Variants in ZNF714 observed in about 807,000 individuals in gnomAD.
ZNF714 encodes zinc finger protein 714.
A neutral mutation model predicts 46.2 loss-of-function variants in ZNF714; 32 were observed. That is an observed-to-expected ratio of 0.69 (90% CI 0.52 to 0.93). The LOEUF is 0.93. ZNF714 is among the 40% of genes least tolerant of loss of function. The pLI, the probability that ZNF714 is intolerant of heterozygous loss-of-function variation, is 0.00. For missense variants in ZNF714, 635 were observed against 646.3 expected (o/e 0.98, Z 0.19); for synonymous variants, 199 against 213.1 (o/e 0.93, Z 0.58).
Position 21,118,250 on chromosome 19 carries a change from A to C in ZNF714, c.1586A>C (p.Gln529Pro), listed in dbSNP as rs534328825. The C allele has an allele frequency of 4.3e-5, 64 of 1,504,604 alleles. 1 individual carries two copies. In the African/African-American group the frequency reaches 7.3e-4, roughly 17 times the overall value. 93.2% of individuals were successfully genotyped at this position (1,504,604 alleles called of 1,614,324 possible). ...LGEQIARSGV[Q>P]DQPGQHGKTP... is the part of the protein sequence containing the mutation. ...GAGCAGATCGCGAGGTCAGGAGTTC[A>C]AGACCAGCCTGGCCAACATGGTAAA... The change falls in exon 5 of 5, where the codon CAA (glutamine) becomes CCA (proline). Residue 529 changes from glutamine (Q) to proline (P), a missense_variant. Physicochemically the swap from Gln to Pro is moderately conservative, Grantham distance 76. Coordinates refer to ENST00000456283, the MANE Select transcript of ZNF714 (RefSeq NM_182515.4).
chr19:21,110,294 G>C (rs1969421818), intron 4 of ZNF714, among the ~76,000 whole-genome samples: 1 of 152,092 alleles, frequency 6.6e-6, no homozygotes, highest in African/African-American at 2.4e-5. Context: ...CCATTTTGAT[G>C]GCATGAAATG....
At chr19:21,113,865 T>C (rs1349342764) in intron 4 of ZNF714, among the ~76,000 whole-genome samples, 1 of 152,068 alleles carries the variant, frequency 6.6e-6, no homozygotes, top group Non-Finnish European at 1.5e-5. Context: ...GTGTATTGTG[T>C]TGTTTGTGGC....
chr19:21,116,641 G>T (rs1223078668), intron 4 of ZNF714, among the ~76,000 whole-genome samples, 166 bp from the exon 5 acceptor site: 1 of 151,986 alleles, frequency 6.6e-6, no homozygotes, highest in Non-Finnish European at 1.5e-5. Context: ...TATGTATTTT[G>T]GTCAGTATGC....
intron 2 of ZNF714, among the ~76,000 whole-genome samples, chr19:21,095,359 G>A (rs533185578): frequency 3.3e-5 from 5 of 152,184 alleles, no homozygotes; most frequent in African/African-American, 9.6e-5. Flanking sequence ...TGACCTCCAC[G>A]TTCTCACCAC....
chr19:21,114,293 A>G (rs1020138630), intron 4 of ZNF714, among the ~76,000 whole-genome samples: 2 of 151,972 alleles, frequency 1.3e-5, no homozygotes, highest in Non-Finnish European at 2.9e-5. Flanking sequence ...AAAATTAGCC[A>G]GGTGTGGTGG....
intron 4 of ZNF714, among the ~76,000 whole-genome samples, chr19:21,104,541 A>C (rs1479324617): frequency 1.6e-5 from 1 of 63,874 alleles, no homozygotes; most frequent in Non-Finnish European, 5.0e-5. Flanking sequence ...TTGGTGTTTT[A>C]AAAAAAGGTA....
rs1391738782 is a variant in ZNF714, at chr19:21,118,453, A to C, written c.*121A>C. The C allele has an allele frequency of 2.3e-5, 1 of 44,208 alleles. No individual in the cohort carries two copies. The highest frequency in any genetic ancestry group is 6.6e-5 in the Non-Finnish European group (1 of 15,226). The allele number at this position is 44,208 out of a possible 1,614,324, so 2.7% of individuals were successfully genotyped here. A position where few individuals can be genotyped will look rare whatever the true frequency, so the allele number is the denominator to read the frequency against. ...GGCCACAAGGCAAGACTCTGTCTCA[A>C]AAAAAAAAAAAAAAAGAAAAGAAAA... is the stretch of plus-strand genomic sequence containing the variant. On this transcript the variant is annotated 3_prime_UTR_variant, in exon 5 of 5. Transcript: ENST00000456283.
At chr19:21,084,702 A>AT (rs36069214) in intron 2 of ZNF714, among the ~76,000 whole-genome samples, 13,735 of 135,226 alleles carry the variant, frequency 0.1, 2,256 homozygotes, top group African/African-American at 0.35. Context: ...AAGGTAGGAA[A>AT]TTTTTTTTTT....
At chr19:21,098,680 G>A (rs989768701) in intron 3 of ZNF714, 132 bp from the exon 4 acceptor site, 22 of 566,356 alleles carry the variant, frequency 3.9e-5, no homozygotes, top group Middle Eastern at 4.8e-4. Context: ...AATAGTTAGA[G>A]ATGTGTCTCA....
chr19:21,104,484 C>G (rs1969266245), intron 4 of ZNF714, among the ~76,000 whole-genome samples: 1 of 152,104 alleles, frequency 6.6e-6, no homozygotes, highest in African/African-American at 2.4e-5. Context: ...ATCTTGTTTT[C>G]TACCAACAGT....
intron 2 of ZNF714, among the ~76,000 whole-genome samples, chr19:21,093,572 C>G (rs1024334391): frequency 1.3e-5 from 2 of 151,964 alleles, no homozygotes; most frequent in African/African-American, 4.8e-5. Flanking sequence ...TTATTGGCCA[C>G]ATAATCTTCC....
intron 4 of ZNF714, among the ~76,000 whole-genome samples, chr19:21,106,165 G>T (rs1372770177): frequency 1.3e-5 from 2 of 152,036 alleles, no homozygotes; most frequent in East Asian, 3.9e-4. Flanking sequence ...TGAGGCAGGA[G>T]AATCACTTGA....
chr19:21,082,300 T>C lies in ZNF714; in HGVS notation c.-225T>C. ...TCTGTGGCCCTGTGACCTGCAGGTA[T>C]TGAGAGATCCACAGCTAAGACGCCA... On this transcript the variant is annotated 5_prime_UTR_variant, in exon 1 of 5. Transcript: ENST00000456283. 2.1e-6 allele frequency: 3 copies of C among 1,445,572 alleles called. No homozygotes were observed. Among genetic ancestry groups the C allele is most frequent in the Non-Finnish European group, 1.9e-6 (2 of 1,070,064 alleles). 89.5% of individuals were successfully genotyped at this position (1,445,572 alleles called of 1,614,324 possible). A position where few individuals can be genotyped will look rare whatever the true frequency, so the allele number is the denominator to read the frequency against.
In ZNF714 at chr19:21,120,779, A is replaced by C. The variant is rs1313101858; in HGVS notation, c.*2447A>C. The stretch of plus-strand genomic sequence containing the variant: ...AACATCTCTAGTAATTTTTTTTGCC[A>C]GTGGCTTTAAACCGCAAATAAGTTA... On this transcript the variant is annotated 3_prime_UTR_variant, in exon 5 of 5. Coordinates refer to ENST00000456283, the MANE Select transcript of ZNF714 (RefSeq NM_182515.4). 6.6e-6 allele frequency: 1 copy of C among 151,662 alleles called. No homozygotes were observed. The highest frequency in any genetic ancestry group is 2.4e-5 in the African/African-American group (1 of 41,342). The allele number at this position is 151,662 out of a possible 1,614,324, so 9.4% of individuals were successfully genotyped here.
intron 4 of ZNF714, 109 bp downstream of exon 4, chr19:21,099,019 G>T: frequency 1.6e-6 from 1 of 606,882 alleles, no homozygotes; most frequent in Non-Finnish European, 2.7e-6. Flanking sequence ...GTTTTGCAAA[G>T]TATATAGTTT....
chr19:21,091,324 A>T (rs1363772068), intron 2 of ZNF714: 1 of 152,196 alleles, frequency 6.6e-6, no homozygotes, highest in Non-Finnish European at 1.5e-5. Context: ...GGTGGGTTTT[A>T]TCCAGCTTCT....
Position 21,117,546 on chromosome 19 carries a change from T to C in ZNF714, c.882T>C (p.Phe294=). 1 of 1,606,102 alleles carries C rather than the reference T, an allele frequency of 6.2e-7. No individual in the cohort carries two copies. Among genetic ancestry groups the C allele is most frequent in the African/African-American group, 1.3e-5 (1 of 74,794 alleles). ...PYKCEECDKA[F]NRFSYLTKHK... The stretch of plus-strand genomic sequence containing the variant: ...AATGTGAAGAATGTGACAAAGCTTT[T>C]AACCGATTCTCATACCTTACTAAAC... The change falls in exon 5 of 5, where the codon TTT becomes TTC. Residue 294 remains phenylalanine (F), a synonymous_variant. Coordinates refer to ENST00000456283, the MANE Select transcript of ZNF714 (RefSeq NM_182515.4).
intron 2 of ZNF714, among the ~76,000 whole-genome samples, chr19:21,094,643 T>TA (rs1440276203): frequency 3.9e-5 from 6 of 152,132 alleles, no homozygotes; most frequent in African/African-American, 1.4e-4. Flanking sequence ...TCTCATGCCT[T>TA]AGTTTCTGGA....
In ZNF714 at chr19:21,116,892, C is replaced by A. The variant is rs1271755278; in HGVS notation, c.228C>A (p.Gly76=). The part of the protein sequence containing the change: ...SFQQVILRRH[G]KCEHENLQLR... ...AACAAGTGATACTGAGAAGACATGG[C>A]AAATGTGAACATGAGAATTTACAGT... Residue 76 remains glycine (G), a synonymous_variant, in exon 5 of 5, where the codon GGC becomes GGA. Transcript: ENST00000456283. The A allele has an allele frequency of 6.2e-7, 1 of 1,613,614 alleles. No individual in the cohort carries two copies. The highest frequency in any genetic ancestry group is 8.5e-7 in the Non-Finnish European group (1 of 1,179,846).
Sources: gnomAD v4.1 joint callset for allele counts (sites outside exome capture counted in the v4.1 genomes callset) on GRCh38, gnomAD v4.1.1 for gene constraint, MANE v1.5 for transcripts, NCBI Gene and HGNC (gene_info 2026-07-23, HGNC 2026-07-21) for gene names.